The following PTPN2 variants were observed in gnomAD, a reference collection of about 807,000 sequenced individuals.
PTPN2 encodes the protein protein tyrosine phosphatase non-receptor type 2, also known as tyrosine-protein phosphatase non-receptor type 2.
Under a neutral mutation model 57.3 loss-of-function variants are expected in PTPN2, and 19 were observed. That is an observed-to-expected ratio of 0.33 (90% CI 0.23 to 0.49). The LOEUF is 0.49. Ranked by LOEUF, PTPN2 falls within the 20% of genes least tolerant of loss-of-function variation. The pLI is 0.99. For missense variants in PTPN2, 358 were observed against 501.1 expected, an observed-to-expected ratio of 0.71 and a Z score of 2.73; for synonymous variants, 153 against 164.9, an observed-to-expected ratio of 0.93 and a Z score of 0.55.
chr18:12,804,528 A>G (rs980957464), intron 7 of PTPN2, among the ~76,000 whole-genome samples: 4 of 151,984 alleles, frequency 2.6e-5, no homozygotes, highest in African/African-American at 9.6e-5. Context: ...GAAAAAAAAA[A>G]GACTCAAATC....
At chr18:12,853,882 TAG>T (rs1288908578) in intron 2 of PTPN2, among the ~76,000 whole-genome samples, 2 of 152,060 alleles carry the variant, frequency 1.3e-5, no homozygotes, top group African/African-American at 4.8e-5. Flanking sequence ...GCAGCACTAT[TAG>T]AGAGGAGAGT....
chr18:12,815,138 A>T lies in PTPN2; in HGVS notation c.706-783T>A, dbSNP rs181892112. Among the ~76,000 whole-genome samples, 140 of 149,294 alleles carry T rather than the reference A, an allele frequency of 9.4e-4. 2 individuals carry two copies. In the East Asian group the frequency reaches 0.025, roughly 27 times the overall value. Reference sequence around the variant, plus strand: ...TAAATAAATAAATAAATAAATAAAAATGTGGTGGGTCACACCTGTAATCCC... The same window carrying T: ...TAAATAAATAAATAAATAAATAAAATTGTGGTGGGTCACACCTGTAATCCC... On this transcript the variant is annotated intron_variant, in intron 6 of 8. Coordinates refer to ENST00000309660, the MANE Select transcript of PTPN2 (RefSeq NM_002828.4).
Position 12,814,217 on chromosome 18 carries a change from C to A in PTPN2, c.844G>T (p.Asp282Tyr). Residue 282 changes from aspartate (D) to tyrosine (Y), a missense_variant, in exon 7 of 9, where the codon GAT becomes TAT. Transcript: ENST00000309660. Reference protein sequence around the residue: ...IIEGAKCIKGDSSIQKRWKEL... With the variant: ...IIEGAKCIKGYSSIQKRWKEL... ...ATGAAGTTTACCTGTATACTAGAAT[C>A]TCCCTTTATACATTTTGCTCCTTCT... is the stretch of plus-strand genomic sequence containing the variant. The A allele has an allele frequency of 6.3e-7, 1 of 1,592,980 alleles. No homozygotes were observed. Among genetic ancestry groups the A allele is most frequent in the South Asian group, 1.1e-5 (1 of 88,966 alleles).
chr18:12,853,292 G>A (rs902771265), intron 2 of PTPN2, among the ~76,000 whole-genome samples: 3 of 152,072 alleles, frequency 2.0e-5, no homozygotes, highest in Non-Finnish European at 4.4e-5. Context: ...TGGGACTACA[G>A]GCATGCATCA....
chr18:12,873,175 C>T (rs1362904807), intron 1 of PTPN2, among the ~76,000 whole-genome samples: 17 of 149,710 alleles, frequency 1.1e-4, no homozygotes, highest in Admixed American at 1.0e-3. Context: ...GAGCCAAGAT[C>T]GTGCCACTGC....
chr18:12,790,003 G>C (rs548922347), downstream of PTPN2, among the ~76,000 whole-genome samples: 2 of 152,122 alleles, frequency 1.3e-5, no homozygotes, highest in East Asian at 3.9e-4. Context: ...CTCCATCATA[G>C]TTCACTGCAG....
intron 1 of PTPN2, chr18:12,869,139 C>T (rs370437699): frequency 3.9e-5 from 6 of 152,140 alleles, no homozygotes; most frequent in Non-Finnish European, 5.9e-5. Context: ...AAAAGAGAGA[C>T]GCCGTCTCAA....
intron 1 of PTPN2, among the ~76,000 whole-genome samples, chr18:12,883,272 A>G (rs1052526833): frequency 1.3e-5 from 2 of 152,150 alleles, no homozygotes; most frequent in African/African-American, 4.8e-5. Context: ...AAGGAAAACT[A>G]TAAAGAGAAT....
intron 5 of PTPN2, among the ~76,000 whole-genome samples, chr18:12,824,328 C>T (rs1213999811): frequency 6.6e-6 from 1 of 152,094 alleles, no homozygotes; most frequent in Non-Finnish European, 1.5e-5. Flanking sequence ...AAAACCAGAA[C>T]CTAGGCCTCA....
chr18:12,835,062 G>A (rs7236539), intron 3 of PTPN2, among the ~76,000 whole-genome samples: 7,158 of 152,032 alleles, frequency 0.047, 562 homozygotes, highest in African/African-American at 0.16. Context: ...CCGTATTTCC[G>A]ACCCGTTTTT....
chr18:12,881,159 G>A (rs115965080), intron 1 of PTPN2, among the ~76,000 whole-genome samples: 1,721 of 152,282 alleles, frequency 0.011, 26 homozygotes, highest in African/African-American at 0.039. Flanking sequence ...GATCAGCCCA[G>A]AGCAGTGGCT....
intron 1 of PTPN2, among the ~76,000 whole-genome samples, chr18:12,868,113 T>C (rs1374428382): frequency 6.6e-6 from 1 of 152,232 alleles, no homozygotes; most frequent in Non-Finnish European, 1.5e-5. Flanking sequence ...CACAAAGGCT[T>C]GTTCTTACCA....
intron 2 of PTPN2, among the ~76,000 whole-genome samples, chr18:12,845,717 A>C (rs1259922252): frequency 6.6e-6 from 1 of 152,162 alleles, no homozygotes; most frequent in Non-Finnish European, 1.5e-5. Flanking sequence ...CCTCAAGTTT[A>C]TATGTATTTT....
At position 12,794,305 on chromosome 18, in the gene PTPN2, T is replaced by C. The variant is rs369988528; in HGVS notation, c.1221A>G (p.Thr407=). The change falls in exon 9 of 9, where the codon ACA becomes ACG. Residue 407 remains threonine (T), a synonymous_variant. Transcript: ENST00000309660. The part of the protein sequence containing the change: ...VILVGAFVGW[T]LFFQQNAL ...ATAGGGCATTTTGCTGAAAAAACAG[T>C]GTCCAGCCAACAAAAGCGCCAACCA... 4 of 1,614,060 alleles carry C rather than the reference T, an allele frequency of 2.5e-6. No individual in the cohort carries two copies. The highest frequency in any genetic ancestry group is 2.2e-5 in the East Asian group (1 of 44,896).
chr18:12,847,071 G>A (rs1390885834), intron 2 of PTPN2, among the ~76,000 whole-genome samples: 1 of 150,396 alleles, frequency 6.6e-6, no homozygotes, highest in Non-Finnish European at 1.5e-5. Context: ...AGTTTCATCT[G>A]TTAAGGAATT....
At chr18:12,820,236 T>C (rs2042225211) in intron 5 of PTPN2, among the ~76,000 whole-genome samples, 1 of 151,530 alleles carries the variant, frequency 6.6e-6, no homozygotes, top group Non-Finnish European at 1.5e-5. Context: ...CACTAATAGA[T>C]TTTTGAAAAT....
At chr18:12,866,468 AAAACAAAAC>A (rs1019159404) in intron 1 of PTPN2, among the ~76,000 whole-genome samples, 1 of 151,768 alleles carries the variant, frequency 6.6e-6, no homozygotes, top group African/African-American at 2.4e-5. Context: ...AAAACAAAAC[AAAACAAAAC>A]AAAAAAACAG....
intron 1 of PTPN2, among the ~76,000 whole-genome samples, chr18:12,883,018 T>A (rs1216023879): frequency 1.3e-5 from 2 of 152,104 alleles, no homozygotes; most frequent in Non-Finnish European, 2.9e-5. Flanking sequence ...GTAGTCTAGT[T>A]GACATAAAAA....
intron 7 of PTPN2, among the ~76,000 whole-genome samples, chr18:12,812,328 C>T (rs1029119955): frequency 3.3e-5 from 5 of 152,238 alleles, no homozygotes; most frequent in South Asian, 2.1e-4. Flanking sequence ...GGGCTGGGTG[C>T]GGTGGCTCAC....
Sources: gnomAD v4.1 joint callset for allele counts (sites outside exome capture counted in the v4.1 genomes callset) on GRCh38, gnomAD v4.1.1 for gene constraint, MANE v1.5 for transcripts, NCBI Gene and HGNC (gene_info 2026-07-23, HGNC 2026-07-21) for gene names.